The following MDN1 variants were observed in gnomAD, a reference collection of about 807,000 sequenced individuals.
MDN1 encodes the protein midasin AAA ATPase 1.
A neutral mutation model predicts 669.2 loss-of-function variants in MDN1; 266 were observed. The observed-to-expected ratio is 0.40, with a 90% CI of 0.36 to 0.44. The LOEUF (loss-of-function observed/expected upper bound fraction) is 0.44. Among genes scored for constraint, MDN1 ranks in the 20% least tolerant of loss-of-function variants. MDN1 has a pLI of 1.00. For missense variants in MDN1, 5,940 were observed against 6,754.0 expected (o/e 0.88, Z 4.22); for synonymous variants, 2,385 against 2,457.1 (o/e 0.97, Z 0.87).
At position 89,690,774 on chromosome 6, in the gene MDN1, T is replaced by A; in HGVS notation, c.10648A>T (p.Ser3550Cys). ...CTGCTCCTGTATCTATACAGGCCGC[T>A]TTCCTGCTCAGCCTTCTCTTGGGCT... is the stretch of plus-strand genomic sequence containing the variant. ...RIAQEKAEQESGLYRYRSRNS... is the reference protein window; with the variant it reads ...RIAQEKAEQECGLYRYRSRNS... The change falls in exon 64 of 102, where the codon AGC becomes TGC. Residue 3550 changes from serine (S) to cysteine (C), a missense_variant. Physicochemically the swap from Ser to Cys is moderately radical, Grantham distance 112. Coordinates refer to ENST00000369393, the MANE Select transcript of MDN1 (RefSeq NM_014611.3). The A allele has an allele frequency of 8.1e-6, 13 of 1,614,170 alleles. No individual in the cohort carries two copies. Among genetic ancestry groups the A allele is most frequent in the Non-Finnish European group, 1.1e-5 (13 of 1,180,024 alleles).
At chr6:89,656,640 T>C in intron 91 of MDN1, 60 bp downstream of exon 91, 3 of 1,279,224 alleles carry the variant, frequency 2.3e-6, no homozygotes, top group Non-Finnish European at 2.2e-6. Context: ...AGCACTACGT[T>C]TGGAACATCT....
chr6:89,802,276 A>G (rs1767717716), intron 2 of MDN1, among the ~76,000 whole-genome samples: 1 of 152,204 alleles, frequency 6.6e-6, no homozygotes, highest in African/African-American at 2.4e-5. Flanking sequence ...TTTTCCCCCA[A>G]GTCTTCATTT....
chr6:89,658,396 A>G, intron 89 of MDN1, 26 bp from the exon 90 acceptor site: 1 of 1,613,680 alleles, frequency 6.2e-7, no homozygotes, highest in Non-Finnish European at 8.5e-7. Context: ...CAAACACAGC[A>G]TTAAATGCTC....
At chr6:89,659,064 C>T in intron 88 of MDN1, 147 bp from the exon 89 acceptor site, 3 of 742,270 alleles carry the variant, frequency 4.0e-6, no homozygotes, top group Non-Finnish European at 6.4e-6. Context: ...CAAATCTGGC[C>T]TCTACATGTT....
At position 89,700,040 on chromosome 6, in the gene MDN1, AAAC is replaced by A; in HGVS notation, c.8870+20_8870+22del. 6.2e-7 allele frequency: 1 copy of A among 1,607,256 alleles called. No individual in the cohort carries two copies. ...TCAAGAAAAAAAGTTCCCGCAAGGA[AAAC>A]AACTGAAAGCATGGTTTACCTTCTG... On this transcript the variant is annotated intron_variant, in intron 57 of 101. Coordinates refer to ENST00000369393, the MANE Select transcript of MDN1 (RefSeq NM_014611.3).
intron 92 of MDN1, among the ~76,000 whole-genome samples, chr6:89,654,975 T>C (rs142833347): frequency 6.6e-6 from 1 of 152,172 alleles, no homozygotes; most frequent in South Asian, 2.1e-4. Flanking sequence ...CTGGCCTCAG[T>C]GTACTTAACT....
Position 89,674,594 on chromosome 6 carries a change from A to G in MDN1, c.12762-5T>C. 6.5e-7 allele frequency: 1 copy of G among 1,528,756 alleles called. No homozygotes were observed. The highest frequency in any genetic ancestry group is 8.7e-7 in the Non-Finnish European group (1 of 1,145,692). The allele number at this position is 1,528,756 out of a possible 1,614,324, so 94.7% of individuals were successfully genotyped here. On this transcript the variant is annotated splice_region_variant and splice_polypyrimidine_tract_variant and intron_variant, in intron 78 of 101. Coordinates refer to ENST00000369393, the MANE Select transcript of MDN1 (RefSeq NM_014611.3). ...TGCACACAGCTGAGGAGGTTCCTGT[A>G]CAGAGAAACCCATGGGAAAAACACA...
rs377084929 is a variant in MDN1, at chr6:89,708,533, C to G, written c.7861G>C (p.Asp2621His). 1.9e-5 allele frequency: 31 copies of G among 1,613,928 alleles called. No individual in the cohort carries two copies. In the East Asian group the frequency reaches 5.1e-4, roughly 27 times the overall value. Residue 2621 changes from aspartate (D) to histidine (H), a missense_variant, in exon 51 of 102, where the codon GAC becomes CAC. Physicochemically the swap from Asp to His is moderately conservative, Grantham distance 81. Coordinates refer to ENST00000369393, the MANE Select transcript of MDN1 (RefSeq NM_014611.3). ...GATTCTAAAAGGGCAAAGAGCTGGT[C>G]AGGCTGGTCCGTTTGTGGGTCAAAG... ...MDFDPQTDQP[D>H]QLFALLESAA...
intron 9 of MDN1, among the ~76,000 whole-genome samples, chr6:89,783,210 G>T (rs979705903): frequency 6.6e-6 from 1 of 152,144 alleles, no homozygotes; most frequent in African/African-American, 2.4e-5. Context: ...AAGTAGGGAA[G>T]ATATTGCCAA....
At chr6:89,682,776 CAAAAAA>C (rs1168971439) in intron 73 of MDN1, among the ~76,000 whole-genome samples, 19 of 35,298 alleles carry the variant, frequency 5.4e-4, no homozygotes, top group Middle Eastern at 0.023. Flanking sequence ...CTCATCTCTA[CAAAAAA>C]AAAAAAAAAA....
At position 89,712,218 on chromosome 6, in the gene MDN1, A is replaced by G. The variant is rs759675961; in HGVS notation, c.7469T>C (p.Met2490Thr). Reference sequence around the variant, plus strand: ...CAGGTTCTCAGGGCTGGGGGACTGCATAATTTTCTCTAAGTCTTGCAAGGT... The same window carrying G: ...CAGGTTCTCAGGGCTGGGGGACTGCGTAATTTTCTCTAAGTCTTGCAAGGT... Reference protein sequence around the residue: ...PFTLQDLEKIMQSPSPENLKF... With the variant: ...PFTLQDLEKITQSPSPENLKF... Residue 2490 changes from methionine to threonine, a missense_variant, in exon 49 of 102, where the codon ATG becomes ACG. Transcript: ENST00000369393. The G allele has an allele frequency of 1.2e-6, 2 of 1,614,160 alleles. No homozygotes were observed. The highest frequency in any genetic ancestry group is 1.7e-6 in the Non-Finnish European group (2 of 1,180,006).
rs1230538927 is a variant in MDN1 at position 89,684,873 on chromosome 6, T to C, written c.11829+3A>G. ...GAGTGATCATGACAGCTGTTCATCTTACTTTAAGTTCTTTTTCTAGGGGGG... is the reference window on the plus strand; with the variant it reads ...GAGTGATCATGACAGCTGTTCATCTCACTTTAAGTTCTTTTTCTAGGGGGG... On this transcript the variant is annotated splice_donor_region_variant and intron_variant, in intron 71 of 101. Transcript: ENST00000369393. 3.2e-6 allele frequency: 5 copies of C among 1,574,026 alleles called. No individual in the cohort carries two copies. Among genetic ancestry groups the C allele is most frequent in the African/African-American group, 2.7e-5 (2 of 74,004 alleles).
At chr6:89,645,694 G>A (rs1052960491) in intron 100 of MDN1, among the ~76,000 whole-genome samples, 2 of 152,082 alleles carry the variant, frequency 1.3e-5, no homozygotes, top group African/African-American at 4.8e-5. Flanking sequence ...AAATAGAAAG[G>A]AAACACTCAA....
At chr6:89,650,878 C>T (rs1370861956) in intron 95 of MDN1, 31 bp from the exon 96 acceptor site, 1 of 1,577,740 alleles carries the variant, frequency 6.3e-7, no homozygotes, top group South Asian at 1.1e-5. Context: ...AAGTTACCCT[C>T]AGAATGTCAG....
At chr6:89,806,250 T>C (rs1768011222) in intron 1 of MDN1, among the ~76,000 whole-genome samples, 1 of 151,972 alleles carries the variant, frequency 6.6e-6, no homozygotes, top group Admixed American at 6.6e-5. Flanking sequence ...ATTTTTTAAA[T>C]AATAAAGTAA....
chr6:89,718,242 T>C, intron 43 of MDN1, 124 bp downstream of exon 43: 10 of 1,115,704 alleles, frequency 9.0e-6, no homozygotes, highest in Non-Finnish European at 1.3e-5. Flanking sequence ...GGTCAAACTT[T>C]CCCACAAGTT....
chr6:89,693,257 A>G (rs1217652389), intron 62 of MDN1, 109 bp from the exon 63 acceptor site: 2 of 714,138 alleles, frequency 2.8e-6, no homozygotes, highest in Non-Finnish European at 4.6e-6. Context: ...CTGCTGCGAA[A>G]TAATATTTCC....
chr6:89,650,218 CA>C lies in MDN1; in HGVS notation c.16032-21del, dbSNP rs1562032474. ...TCTCCTCTATTTATTCAAATGGGGGCAAAAATTAGTTAACAACTTTTAATTC... is the reference window on the plus strand; with the variant it reads ...TCTCCTCTATTTATTCAAATGGGGGCAAAATTAGTTAACAACTTTTAATTC... On this transcript the variant is annotated intron_variant, in intron 96 of 101. Coordinates refer to ENST00000369393, the MANE Select transcript of MDN1 (RefSeq NM_014611.3). 3.8e-6 allele frequency: 6 copies of C among 1,595,400 alleles called. No individual in the cohort carries two copies. The East Asian group carries it at 1.3e-4, about 36-fold the overall frequency.
chr6:89,717,367 C>T (rs891371687), intron 43 of MDN1, among the ~76,000 whole-genome samples: 7 of 152,146 alleles, frequency 4.6e-5, no homozygotes, highest in African/African-American at 1.4e-4. Flanking sequence ...GAGGGAGTAA[C>T]GAGGTTTAGA....
Sources: allele counts gnomAD v4.1 joint callset (sites outside exome capture counted in the v4.1 genomes callset), GRCh38; gene constraint gnomAD v4.1.1; transcripts MANE v1.5; gene names NCBI Gene and HGNC (gene_info 2026-07-23, HGNC 2026-07-21).